Variants in ST6GALNAC3 observed in about 807,000 individuals in gnomAD.
ST6GALNAC3 encodes alpha-N-acetylgalactosaminide alpha-2,6-sialyltransferase 3.
ST6GALNAC3 carries 25 observed loss-of-function variants against 32.7 expected under a neutral mutation model. The observed-to-expected ratio is 0.76, with a 90% CI of 0.56 to 1.07. ST6GALNAC3 has a LOEUF of 1.07. ST6GALNAC3 is among the 50% of genes least tolerant of loss of function. The pLI, the probability that ST6GALNAC3 is intolerant of heterozygous loss-of-function variation, is 0.00. For synonymous variants in ST6GALNAC3, 129 were observed against 133.1 expected, an observed-to-expected ratio of 0.97 and a Z score of 0.21; for missense variants, 355 against 382.4, an observed-to-expected ratio of 0.93 and a Z score of 0.60.
intron 3 of ST6GALNAC3, among the ~76,000 whole-genome samples, chr1:76,625,298 A>G (rs12734926): frequency 0.048 from 7,339 of 151,980 alleles, 215 homozygotes; most frequent in Non-Finnish European, 0.066. Flanking sequence ...TAGGATCCCA[A>G]TAAATGTTGG....
intron 2 of ST6GALNAC3, among the ~76,000 whole-genome samples, chr1:76,400,329 ATAT>A (rs1653307881): frequency 6.6e-6 from 1 of 152,198 alleles, no homozygotes; most frequent in Admixed American, 6.5e-5. Context: ...TTTACTGTTA[ATAT>A]TGCAAATTAC....
At chr1:76,570,495 T>C (rs1044723845) in intron 3 of ST6GALNAC3, among the ~76,000 whole-genome samples, 13 of 152,230 alleles carry the variant, frequency 8.5e-5, no homozygotes, top group African/African-American at 3.1e-4. Context: ...CTATTTACTA[T>C]GATAAAACTC....
At chr1:76,471,532 T>G (rs1659031239) in intron 3 of ST6GALNAC3, among the ~76,000 whole-genome samples, 2 of 152,122 alleles carry the variant, frequency 1.3e-5, no homozygotes, top group Admixed American at 1.3e-4. Context: ...AACAACATAT[T>G]TATACTGGAT....
At chr1:76,083,227 C>T (rs998446467) in intron 1 of ST6GALNAC3, among the ~76,000 whole-genome samples, 1 of 152,226 alleles carries the variant, frequency 6.6e-6, no homozygotes, top group African/African-American at 2.4e-5. Flanking sequence ...CAATACTCAT[C>T]TTAGATTTTG....
chr1:76,101,386 C>T (rs772152113), intron 1 of ST6GALNAC3, among the ~76,000 whole-genome samples: 1 of 152,046 alleles, frequency 6.6e-6, no homozygotes, highest in African/African-American at 2.4e-5. Flanking sequence ...CTAGGTGTAC[C>T]AGAATTTGCT....
intron 3 of ST6GALNAC3, among the ~76,000 whole-genome samples, chr1:76,422,361 A>G (rs955944975): frequency 6.6e-6 from 1 of 152,052 alleles, no homozygotes; most frequent in Admixed American, 6.6e-5. Flanking sequence ...CTGTTGTTTT[A>G]CAAAAAGGTG....
intron 1 of ST6GALNAC3, among the ~76,000 whole-genome samples, chr1:76,093,144 A>G (rs1647072886): frequency 6.6e-6 from 1 of 152,248 alleles, no homozygotes; most frequent in South Asian, 2.1e-4. Context: ...GTGAAAAATC[A>G]TAGTCTAAAA....
At chr1:76,453,991 G>A (rs992131451) in intron 3 of ST6GALNAC3, among the ~76,000 whole-genome samples, 2 of 152,060 alleles carry the variant, frequency 1.3e-5, no homozygotes, top group African/African-American at 4.8e-5. Context: ...TTGGGATTGT[G>A]ATATTTTTCT....
intron 2 of ST6GALNAC3, among the ~76,000 whole-genome samples, chr1:76,358,397 C>T (rs1649663456): frequency 6.6e-6 from 1 of 152,196 alleles, no homozygotes; most frequent in African/African-American, 2.4e-5. Context: ...AATGACTTTG[C>T]AGCCTTCCCT....
chr1:76,506,445 C>T (rs1341762055), intron 3 of ST6GALNAC3, among the ~76,000 whole-genome samples: 2 of 152,302 alleles, frequency 1.3e-5, no homozygotes, highest in East Asian at 3.9e-4. Flanking sequence ...CTTTCCCTGG[C>T]TGTGTGCATC....
intron 1 of ST6GALNAC3, among the ~76,000 whole-genome samples, chr1:76,218,444 C>A (rs1340402130): frequency 6.6e-6 from 1 of 152,200 alleles, no homozygotes; most frequent in Non-Finnish European, 1.5e-5. Context: ...TACCTTCCAT[C>A]AGATAGATTC....
At chr1:76,263,845 C>G (rs1186034869) in intron 1 of ST6GALNAC3, among the ~76,000 whole-genome samples, 3 of 151,974 alleles carry the variant, frequency 2.0e-5, no homozygotes, top group African/African-American at 7.3e-5. Context: ...TTTTTTAAGC[C>G]TTTTATCTGT....
intron 1 of ST6GALNAC3, among the ~76,000 whole-genome samples, chr1:76,282,315 T>G (rs749620724): frequency 1.3e-5 from 2 of 152,130 alleles, no homozygotes; most frequent in Non-Finnish European, 2.9e-5. Context: ...ATTTATGTGA[T>G]ATATGTATAA....
At chr1:76,300,220 A>G (rs186404653) in intron 1 of ST6GALNAC3, among the ~76,000 whole-genome samples, 64 of 152,162 alleles carry the variant, frequency 4.2e-4, no homozygotes, top group Admixed American at 1.8e-3. Context: ...TATCTGCCCA[A>G]TTGAAAGATC....
At chr1:76,339,474 C>T (rs1311339471) in intron 2 of ST6GALNAC3, among the ~76,000 whole-genome samples, 3 of 152,034 alleles carry the variant, frequency 2.0e-5, no homozygotes, top group Non-Finnish European at 4.4e-5. Flanking sequence ...GATTTTAACC[C>T]CCAAAGACTC....
chr1:76,618,763 A>T (rs1035119682), intron 3 of ST6GALNAC3, among the ~76,000 whole-genome samples: 2 of 152,108 alleles, frequency 1.3e-5, no homozygotes, highest in Non-Finnish European at 2.9e-5. Context: ...AATATAAGAA[A>T]TGGGAACCAT....
At chr1:76,290,488 G>T (rs959536622) in intron 1 of ST6GALNAC3, among the ~76,000 whole-genome samples, 2 of 151,984 alleles carry the variant, frequency 1.3e-5, no homozygotes, top group African/African-American at 4.8e-5. Context: ...TTTCTGTTTT[G>T]ATTTTTTTAA....
At chr1:76,112,581 C>T (rs925589341) in intron 1 of ST6GALNAC3, among the ~76,000 whole-genome samples, 4 of 151,368 alleles carry the variant, frequency 2.6e-5, no homozygotes, top group Non-Finnish European at 4.4e-5. Context: ...ACTTCCCAGA[C>T]GGTGTGGCTG....
chr1:76,561,398 G>A (rs1465359350), intron 3 of ST6GALNAC3, among the ~76,000 whole-genome samples: 1 of 152,080 alleles, frequency 6.6e-6, no homozygotes, highest in Non-Finnish European at 1.5e-5. Context: ...TTATATATCA[G>A]ATAAAGGACT....
Sources: allele counts gnomAD v4.1 joint callset (sites outside exome capture counted in the v4.1 genomes callset), GRCh38; gene constraint gnomAD v4.1.1; transcripts MANE v1.5; gene names NCBI Gene and HGNC (gene_info 2026-07-23, HGNC 2026-07-21).